FTCDNL1: variants seen among roughly 807,000 people sequenced by gnomAD.
The protein encoded by FTCDNL1 is formiminotransferase cyclodeaminase N-terminal like.
FTCDNL1 carries 11 observed loss-of-function variants against 5.9 expected under a neutral mutation model. The ratio of observed to expected loss-of-function variants is 1.87; its 90% CI spans 1.18 to 3.10. The LOEUF (loss-of-function observed/expected upper bound fraction) is 3.10. Among genes scored for constraint, FTCDNL1 ranks in the 30% most tolerant of loss-of-function variants. The probability of loss-of-function intolerance (pLI) is 0.00; values close to 1 mark genes in which losing one functional copy is unlikely to be tolerated. For synonymous variants in FTCDNL1, 58 were observed against 24.8 expected (o/e 2.34, Z -3.99); for missense variants, 115 against 65.5 (o/e 1.76, Z -2.61).
the FTCDNL1 span, among the ~76,000 whole-genome samples, chr2:199,732,463 T>A: frequency 6.6e-6 from 1 of 152,208 alleles, no homozygotes; most frequent in Admixed American, 6.5e-5. Context: ...GTAGGAATAA[T>A]TCTGATATTG....
downstream of FTCDNL1, among the ~76,000 whole-genome samples, chr2:199,806,619 C>G (rs1700740282): frequency 6.6e-6 from 1 of 152,142 alleles, no homozygotes; most frequent in Non-Finnish European, 1.5e-5. Flanking sequence ...TTCATTATGT[C>G]AAGAAATGAA....
intron 3 of FTCDNL1, among the ~76,000 whole-genome samples, chr2:199,822,175 G>A (rs1241075046): frequency 6.6e-6 from 1 of 152,138 alleles, no homozygotes; most frequent in African/African-American, 2.4e-5. Flanking sequence ...GGCTGAGGAG[G>A]GAGGATTGCT....
chr2:199,788,656 TAAAG>T (rs1440394278), intron 3 of FTCDNL1, among the ~76,000 whole-genome samples: 10 of 151,772 alleles, frequency 6.6e-5, no homozygotes, highest in African/African-American at 2.4e-4. Context: ...AAAATAAACT[TAAAG>T]AAACTAGGAA....
the FTCDNL1 span, among the ~76,000 whole-genome samples, chr2:199,745,380 C>G: frequency 0.78 from 118,587 of 152,166 alleles, 48,947 homozygotes; most frequent in South Asian, 0.96. Context: ...TCTATTTGTC[C>G]CAAGATGCCT....
At chr2:199,786,835 T>C (rs1393205748) in intron 3 of FTCDNL1, among the ~76,000 whole-genome samples, 1 of 152,206 alleles carries the variant, frequency 6.6e-6, no homozygotes, top group Non-Finnish European at 1.5e-5. Context: ...ACAAATTTGT[T>C]ATCTTACAGT....
intron 3 of FTCDNL1, among the ~76,000 whole-genome samples, chr2:199,794,301 C>T (rs1489915510): frequency 6.6e-6 from 1 of 152,140 alleles, no homozygotes; most frequent in African/African-American, 2.4e-5. Context: ...CATTCCTACA[C>T]AAAAGTTTAA....
the FTCDNL1 span, among the ~76,000 whole-genome samples, chr2:199,734,444 C>T: frequency 6.6e-6 from 1 of 152,100 alleles, no homozygotes; most frequent in Non-Finnish European, 1.5e-5. Context: ...GAATCAATTA[C>T]TAATGATTTT....
At chr2:199,738,940 T>G in the FTCDNL1 span, among the ~76,000 whole-genome samples, 1 of 152,208 alleles carries the variant, frequency 6.6e-6, no homozygotes, top group Admixed American at 6.5e-5. Context: ...ACCATTCTCA[T>G]GTATTTCAGT....
At chr2:199,716,370 C>T in the FTCDNL1 span, among the ~76,000 whole-genome samples, 2 of 152,196 alleles carry the variant, frequency 1.3e-5, no homozygotes, top group African/African-American at 2.4e-5. Flanking sequence ...AATTTATATC[C>T]GGTTCCCTGT....
At chr2:199,789,300 C>T (rs1348660116) in intron 3 of FTCDNL1, among the ~76,000 whole-genome samples, 1 of 152,020 alleles carries the variant, frequency 6.6e-6, no homozygotes, top group Non-Finnish European at 1.5e-5. Flanking sequence ...TAGTTTATTT[C>T]GGGAATGCAA....
At chr2:199,675,913 G>A in the FTCDNL1 span, among the ~76,000 whole-genome samples, 2 of 152,110 alleles carry the variant, frequency 1.3e-5, no homozygotes, top group Non-Finnish European at 2.9e-5. Context: ...ACCAAGCCCA[G>A]CTAATTTTTG....
chr2:199,667,792 T>A, the FTCDNL1 span, among the ~76,000 whole-genome samples: 1 of 152,188 alleles, frequency 6.6e-6, no homozygotes, highest in Non-Finnish European at 1.5e-5. Flanking sequence ...TATGATTATT[T>A]AACTTCTTCA....
At chr2:199,698,312 CCAA>C in the FTCDNL1 span, among the ~76,000 whole-genome samples, 1 of 152,128 alleles carries the variant, frequency 6.6e-6, no homozygotes, top group South Asian at 2.1e-4. Context: ...AACACTTCAC[CCAA>C]CAACAACAGA....
At chr2:199,740,868 T>C in the FTCDNL1 span, among the ~76,000 whole-genome samples, 1 of 152,150 alleles carries the variant, frequency 6.6e-6, no homozygotes, top group South Asian at 2.1e-4. Context: ...ACATGCCCCT[T>C]TTCATGCTGT....
intron 3 of FTCDNL1, among the ~76,000 whole-genome samples, chr2:199,825,628 G>A (rs931782288): frequency 1.1e-4 from 17 of 152,138 alleles, no homozygotes; most frequent in African/African-American, 4.1e-4. Flanking sequence ...GGTTGTTTAA[G>A]GAGCCAGCAT....
intron 4 of FTCDNL1, among the ~76,000 whole-genome samples, chr2:199,816,101 G>C (rs1026577326): frequency 6.6e-6 from 1 of 152,166 alleles, no homozygotes; most frequent in Non-Finnish European, 1.5e-5. Flanking sequence ...TATTTTAGTA[G>C]AAAGTCTTAA....
At chr2:199,670,787 G>T in the FTCDNL1 span, among the ~76,000 whole-genome samples, 1 of 152,122 alleles carries the variant, frequency 6.6e-6, no homozygotes, top group Non-Finnish European at 1.5e-5. Flanking sequence ...GAGATGCACA[G>T]GCAGAGTCAG....
chr2:199,722,716 T>A, the FTCDNL1 span, among the ~76,000 whole-genome samples: 1 of 151,994 alleles, frequency 6.6e-6, no homozygotes, highest in Non-Finnish European at 1.5e-5. Flanking sequence ...CTTTGGGGAG[T>A]ATGGCCATTT....
chr2:199,829,176 C>A (rs1323316957), intron 3 of FTCDNL1, among the ~76,000 whole-genome samples: 2 of 152,068 alleles, frequency 1.3e-5, no homozygotes, highest in African/African-American at 4.8e-5. Flanking sequence ...ATTAAAAGAC[C>A]AGTTTTTTTT....
Sources: allele counts gnomAD v4.1 joint callset (sites outside exome capture counted in the v4.1 genomes callset), GRCh38; gene constraint gnomAD v4.1.1; transcripts MANE v1.5; gene names NCBI Gene and HGNC (gene_info 2026-07-23, HGNC 2026-07-21).